MGAM: variants seen among roughly 807,000 people sequenced by gnomAD.
The protein encoded by MGAM is maltase-glucoamylase, also known as alpha-1,4-glucosidase.
MGAM carries 253 observed loss-of-function variants against 358.8 expected under a neutral mutation model. That is an observed-to-expected ratio of 0.71 (90% CI 0.64 to 0.78). MGAM has a LOEUF of 0.78. Among genes scored for constraint, MGAM ranks in the 30% least tolerant of loss-of-function variants. The pLI is 0.00. For missense variants in MGAM, 3,080 were observed against 3,432.6 expected (o/e 0.90, Z 2.57); for synonymous variants, 1,105 against 1,227.1 (o/e 0.90, Z 2.08).
chr7:142,086,180 C>T, intron 55 of MGAM, 38 bp from the exon 56 acceptor site: 1 of 1,485,334 alleles, frequency 6.7e-7, no homozygotes. Context: ...CATTCTGTGG[C>T]TTTGATTTTT....
intron 29 of MGAM, 21 bp from the exon 30 acceptor site, chr7:142,056,809 G>A (rs1235710098): frequency 1.1e-5 from 18 of 1,611,840 alleles, no homozygotes; most frequent in Non-Finnish European, 1.5e-5. Context: ...CGTGAGGCTT[G>A]GCATTTTTCT....
rs1435945116 is a variant in MGAM, at chr7:142,038,615, A to G, written c.2316A>G (p.Glu772=). The G allele has an allele frequency of 3.1e-6, 5 of 1,605,026 alleles. No homozygotes were observed. In the African/African-American group the frequency reaches 5.4e-5, roughly 17 times the overall value. The change falls in exon 19 of 71, where the codon GAA becomes GAG. Residue 772 remains glutamate, a splice_region_variant and synonymous_variant. Coordinates refer to ENST00000475668, the MANE Select transcript of MGAM (RefSeq NM_001365693.1). ...TCCTCATCACTCCAGTTCTGGATGAAGTAAGTGTTCCCACAGAGATACACT... is the reference window on the plus strand; with the variant it reads ...TCCTCATCACTCCAGTTCTGGATGAGGTAAGTGTTCCCACAGAGATACACT... ...PGLLITPVLD[E]GAEKVMAYVP...
intron 1 of MGAM, among the ~76,000 whole-genome samples, chr7:141,996,993 A>G (rs1369723212): frequency 6.6e-6 from 1 of 152,170 alleles, no homozygotes; most frequent in Non-Finnish European, 1.5e-5. Context: ...AATACTTAAA[A>G]TAAACTTAAA....
At chr7:142,057,791 A>G (rs6977302) in intron 30 of MGAM, among the ~76,000 whole-genome samples, 80,765 of 151,848 alleles carry the variant, frequency 0.53, 21,871 homozygotes, top group Admixed American at 0.61. Context: ...TCATTCATGC[A>G]TCACAGAAAC....
In MGAM at chr7:142,094,553, G is replaced by A; in HGVS notation, c.7306+56G>A. 2 of 1,557,132 alleles carry A rather than the reference G, an allele frequency of 1.3e-6. 1 individual carries two copies. Among genetic ancestry groups the A allele is most frequent in the Non-Finnish European group, 1.8e-6 (2 of 1,133,262 alleles). On this transcript the variant is annotated intron_variant, in intron 61 of 70. Transcript: ENST00000475668. The stretch of plus-strand genomic sequence containing the variant: ...GTAGGGCAGGGAGTTGGGATCCTTG[G>A]GGAAGAGGTGAGGAGGCAGGTCGTG...
At chr7:142,097,874 G>C (rs1268370307) in intron 66 of MGAM, among the ~76,000 whole-genome samples, 1 of 152,014 alleles carries the variant, frequency 6.6e-6, no homozygotes, top group Non-Finnish European at 1.5e-5. Context: ...ATCTCACTCA[G>C]GTTTTTCGTG....
chr7:142,002,989 A>G (rs1182575456), intron 1 of MGAM, among the ~76,000 whole-genome samples: 1 of 151,950 alleles, frequency 6.6e-6, no homozygotes, highest in Non-Finnish European at 1.5e-5. Flanking sequence ...ATAAAATAAA[A>G]TAAAATACCT....
chr7:142,059,239 C>T (rs1184586635), intron 31 of MGAM, among the ~76,000 whole-genome samples: 54 of 152,174 alleles, frequency 3.5e-4, no homozygotes, highest in Admixed American at 2.7e-3. Flanking sequence ...ATGCTAGAGA[C>T]GCATTCTCAT....
rs1276856268 is a variant in MGAM at position 142,065,392 on chromosome 7, CTCT to C, written c.4546_4548del (p.Ser1516del). ...TCGTCATCACCCGCTCCACATTTCCCTCTTCTGGCCGCTGGGCAGGACATTGGC... is the reference window on the plus strand; with the variant it reads ...TCGTCATCACCCGCTCCACATTTCCCTCTGGCCGCTGGGCAGGACATTGGC... On this transcript the variant is annotated inframe_deletion, in exon 38 of 71. Transcript: ENST00000475668. 1 of 1,611,084 alleles carries C rather than the reference CTCT, an allele frequency of 6.2e-7. No individual in the cohort carries two copies. The highest frequency in any genetic ancestry group is 1.7e-5 in the Admixed American group (1 of 59,654).
At chr7:142,067,986 ATT>A (rs71913806) in intron 42 of MGAM, among the ~76,000 whole-genome samples, 1 of 8,694 alleles carries the variant, frequency 1.2e-4, no homozygotes, top group Non-Finnish European at 4.6e-4. Context: ...ATATATATAT[ATT>A]TTTTTTTTTT....
intron 21 of MGAM, 33 bp downstream of exon 21, chr7:142,040,879 C>G (rs779770339): frequency 4.3e-5 from 68 of 1,578,232 alleles, no homozygotes; most frequent in African/African-American, 1.4e-5. Context: ...TTTCAGAATT[C>G]ATGTCCTTGC....
rs560393060 is a variant in MGAM, at chr7:142,042,697, A to C, written c.2498+1851A>C. 2.0e-4 allele frequency among the ~76,000 whole-genome samples: 2 copies of C among 9,976 alleles called. 1 individual carries two copies. Among genetic ancestry groups the C allele is most frequent in the Non-Finnish European group, 3.9e-4 (2 of 5,186 alleles). 6.5% of individuals were successfully genotyped at this position (9,976 alleles called of 152,430 possible). On this transcript the variant is annotated intron_variant, in intron 21 of 70. Transcript: ENST00000475668. Reference sequence around the variant, plus strand: ...ATAATATATAATATATATTATGTATAATATTATATATAATATATTACATAT... The same window carrying C: ...ATAATATATAATATATATTATGTATCATATTATATATAATATATTACATAT...
At chr7:142,076,486 T>A in intron 46 of MGAM, 173 bp from the exon 47 acceptor site, 1 of 865,474 alleles carries the variant, frequency 1.2e-6, no homozygotes, top group Non-Finnish European at 1.9e-6. Context: ...TTGTATCAAA[T>A]TAGAGGATTA....
Position 142,055,714 on chromosome 7 carries a change from C to A in MGAM, c.3471C>A (p.Asp1157Glu), listed in dbSNP as rs1401978899. ...ACACTTGGGGGATGTTCTCCCGAGA[C>A]CAGCCCCCAGGGGTAAGGACAGAGC... ...EWHTWGMFSR[D>E]QPPGYKKNSY... The change falls in exon 28 of 71, where the codon GAC (aspartate) becomes GAA (glutamate). Residue 1157 changes from aspartate (D) to glutamate (E), a missense_variant. Physicochemically the swap from Asp to Glu is conservative, Grantham distance 45. Transcript: ENST00000475668. 6.2e-7 allele frequency: 1 copy of A among 1,613,914 alleles called. No homozygotes were observed. The highest frequency in any genetic ancestry group is 1.7e-5 in the Admixed American group (1 of 60,012).
At chr7:142,062,209 C>G (rs1348617888) in intron 34 of MGAM, among the ~76,000 whole-genome samples, 1 of 152,164 alleles carries the variant, frequency 6.6e-6, no homozygotes, top group African/African-American at 2.4e-5. Context: ...CATCTCATGT[C>G]TGCAGTCTCT....
At position 142,032,845 on chromosome 7, in the gene MGAM, C is replaced by G; in HGVS notation, c.1605C>G (p.Asn535Lys). ...GIWIDMNEVS[N>K]FVDGSVSGCS... is the part of the protein sequence containing the mutation. ...TGTAGGATATGAATGAAGTCTCCAA[C>G]TTTGTTGATGGTTCGGTCTCAGGAT... Residue 535 changes from asparagine to lysine, a missense_variant, in exon 14 of 71, where the codon AAC (asparagine) becomes AAG (lysine). This residue lies in a region of MGAM where 1,816 missense variants were observed against 1,840.5 expected (regional missense o/e 0.99). Coordinates refer to ENST00000475668, the MANE Select transcript of MGAM (RefSeq NM_001365693.1). 1 of 1,609,884 alleles carries G rather than the reference C, an allele frequency of 6.2e-7. No individual in the cohort carries two copies.
At chr7:142,031,841 G>A (rs1807526180) in intron 13 of MGAM, 48 bp downstream of exon 13, 2 of 1,279,178 alleles carry the variant, frequency 1.6e-6, no homozygotes, top group Non-Finnish European at 1.1e-6. Context: ...TTCAAATTGT[G>A]TATATCTGTA....
In MGAM at chr7:142,043,538, T is replaced by G. The variant is rs1214529496; in HGVS notation, c.2498+2692T>G. 4.5e-5 allele frequency among the ~76,000 whole-genome samples: 5 copies of G among 110,316 alleles called. 1 individual carries two copies. The highest frequency in any genetic ancestry group is 1.8e-4 in the African/African-American group (5 of 27,184). The allele number at this position is 110,316 out of a possible 152,430, so 72.4% of individuals were successfully genotyped here. ...TAATATCTAAATATAATATGAATTA[T>G]ATAGATATATCTAAATATATATATT... is the stretch of plus-strand genomic sequence containing the variant. On this transcript the variant is annotated intron_variant, in intron 21 of 70. Coordinates refer to ENST00000475668, the MANE Select transcript of MGAM (RefSeq NM_001365693.1).
chr7:142,066,760 C>T, intron 41 of MGAM, 39 bp downstream of exon 41: 1 of 1,533,524 alleles, frequency 6.5e-7, no homozygotes, highest in African/African-American at 1.3e-5. Flanking sequence ...TAATGGATGA[C>T]TTATTGCATT....
Sources: gnomAD v4.1 joint callset for allele counts (sites outside exome capture counted in the v4.1 genomes callset) on GRCh38, gnomAD v4.1.1 for gene constraint, gnomAD v4.1.1 regional missense constraint, MANE v1.5 for transcripts, NCBI Gene and HGNC (gene_info 2026-07-23, HGNC 2026-07-21) for gene names.